The following DSCAM variants were observed in gnomAD, a reference collection of about 807,000 sequenced individuals.
DSCAM encodes the protein DS cell adhesion molecule, also known as cell adhesion molecule DSCAM.
A neutral mutation model predicts 217.7 loss-of-function variants in DSCAM; 47 were observed. The observed-to-expected ratio is 0.22, with a 90% CI of 0.17 to 0.28. The LOEUF is 0.28. Among genes scored for constraint, DSCAM ranks in the 10% least tolerant of loss-of-function variants. DSCAM has a pLI of 1.00. For synonymous variants in DSCAM, 1,056 were observed against 1,015.3 expected, an observed-to-expected ratio of 1.04 and a Z score of -0.76; for missense variants, 2,080 against 2,618.3, an observed-to-expected ratio of 0.79 and a Z score of 4.49.
chr21:40,069,555 G>A (rs1353419718), intron 27 of DSCAM, among the ~76,000 whole-genome samples: 1 of 152,198 alleles, frequency 6.6e-6, no homozygotes, highest in Non-Finnish European at 1.5e-5. Context: ...ATAGCCACAT[G>A]GCTACATTTT....
intron 3 of DSCAM, among the ~76,000 whole-genome samples, chr21:40,568,612 C>A (rs1206587847): frequency 1.3e-5 from 2 of 152,020 alleles, no homozygotes; most frequent in African/African-American, 4.8e-5. Flanking sequence ...ATTTAAAATG[C>A]TGGAAGTTAT....
At chr21:40,389,337 A>G (rs1432144935) in intron 3 of DSCAM, among the ~76,000 whole-genome samples, 2 of 152,196 alleles carry the variant, frequency 1.3e-5, no homozygotes, top group African/African-American at 4.8e-5. Flanking sequence ...TTATGAAGAG[A>G]AATAACAAAA....
intron 3 of DSCAM, among the ~76,000 whole-genome samples, chr21:40,609,279 T>A (rs1361460913): frequency 6.6e-6 from 1 of 151,752 alleles, no homozygotes; most frequent in African/African-American, 2.4e-5. Context: ...AAATCACGAT[T>A]TTGCCGTTGT....
chr21:40,162,129 T>C (rs562959853), intron 16 of DSCAM, among the ~76,000 whole-genome samples: 1 of 152,158 alleles, frequency 6.6e-6, no homozygotes, highest in Non-Finnish European at 1.5e-5. Flanking sequence ...AATTAACTGG[T>C]TGACTGCTCA....
At chr21:40,516,660 G>A (rs188925218) in intron 3 of DSCAM, among the ~76,000 whole-genome samples, 64 of 152,274 alleles carry the variant, frequency 4.2e-4, no homozygotes, top group African/African-American at 1.4e-3. Context: ...TCCCGGTTCT[G>A]TCAAAATGCA....
intron 32 of DSCAM, among the ~76,000 whole-genome samples, chr21:40,018,483 G>A (rs760781101): frequency 1.3e-4 from 20 of 152,144 alleles, no homozygotes; most frequent in East Asian, 7.7e-4. Context: ...TCTGAGACCC[G>A]ACTCAATCAC....
intron 3 of DSCAM, among the ~76,000 whole-genome samples, chr21:40,545,538 C>G (rs1322688021): frequency 1.3e-5 from 2 of 152,154 alleles, no homozygotes; most frequent in East Asian, 1.9e-4. Context: ...GGAAACCAGA[C>G]AGACCACAGA....
At chr21:40,787,753 C>G (rs2091606741) in intron 1 of DSCAM, among the ~76,000 whole-genome samples, 1 of 152,162 alleles carries the variant, frequency 6.6e-6, no homozygotes, top group Admixed American at 6.5e-5. Context: ...TCTGATACAA[C>G]ATTCTATCCA....
In DSCAM at chr21:40,847,117, G is replaced by A. The variant is rs1242284399; in HGVS notation, c.-456C>T. 4 of 152,314 alleles carry A rather than the reference G, an allele frequency of 2.6e-5. No individual in the cohort carries two copies. Among genetic ancestry groups the A allele is most frequent in the Non-Finnish European group, 4.4e-5 (3 of 68,122 alleles). The allele number at this position is 152,314 out of a possible 1,614,324, so 9.4% of individuals were successfully genotyped here. Reference sequence around the variant, plus strand: ...TGCCGTGCTCCGGCCTCAGTCACATGGATCCCTCTGCCAACCTTCCCTGCC... The same window carrying A: ...TGCCGTGCTCCGGCCTCAGTCACATAGATCCCTCTGCCAACCTTCCCTGCC... On this transcript the variant is annotated 5_prime_UTR_variant, in exon 1 of 33. Coordinates refer to ENST00000400454, the MANE Select transcript of DSCAM (RefSeq NM_001389.5).
chr21:40,262,312 G>C (rs1017968540), intron 11 of DSCAM, among the ~76,000 whole-genome samples: 1 of 152,122 alleles, frequency 6.6e-6, no homozygotes, highest in Admixed American at 6.5e-5. Flanking sequence ...TTTAGATGAG[G>C]TCAGCTTCCT....
chr21:40,079,249 G>T (rs1427884025), intron 25 of DSCAM, among the ~76,000 whole-genome samples: 1 of 152,170 alleles, frequency 6.6e-6, no homozygotes, highest in Non-Finnish European at 1.5e-5. Context: ...ACAATAGGAT[G>T]TTCACATATG....
At chr21:40,843,748 T>C (rs2092121662) in intron 1 of DSCAM, among the ~76,000 whole-genome samples, 1 of 151,654 alleles carries the variant, frequency 6.6e-6, no homozygotes, top group African/African-American at 2.4e-5. Flanking sequence ...AGGTCATTCA[T>C]TTAAGGGTTT....
intron 3 of DSCAM, among the ~76,000 whole-genome samples, chr21:40,588,429 C>T (rs577477074): frequency 9.2e-5 from 14 of 152,010 alleles, no homozygotes; most frequent in African/African-American, 2.9e-4. Context: ...TCTTAAATAC[C>T]GAGCAGGATG....
intron 18 of DSCAM, among the ~76,000 whole-genome samples, chr21:40,139,789 T>C (rs535015076): frequency 6.6e-6 from 1 of 150,938 alleles, no homozygotes; most frequent in East Asian, 1.9e-4. Flanking sequence ...GTGTGTGTGG[T>C]GTGATATGTG....
chr21:40,033,192 C>T (rs1205988784), intron 32 of DSCAM, among the ~76,000 whole-genome samples: 1 of 152,126 alleles, frequency 6.6e-6, no homozygotes, highest in East Asian at 1.9e-4. Context: ...CGAATAGGAA[C>T]AGCTCCCGTC....
At chr21:40,325,617 T>C (rs1305732343) in intron 8 of DSCAM, among the ~76,000 whole-genome samples, 5 of 152,194 alleles carry the variant, frequency 3.3e-5, no homozygotes, top group Non-Finnish European at 7.4e-5. Flanking sequence ...GCAGGAGTGA[T>C]AGCAAATGCA....
chr21:40,679,317 T>C (rs568809397), intron 3 of DSCAM, among the ~76,000 whole-genome samples: 24 of 152,360 alleles, frequency 1.6e-4, no homozygotes, highest in Admixed American at 3.3e-4. Context: ...ATGTTATCAT[T>C]CAGTCGACAA....
rs769497509 is a variant in DSCAM, at chr21:40,011,249, A to G, written c.*1785T>C. On this transcript the variant is annotated 3_prime_UTR_variant, in exon 33 of 33. Transcript: ENST00000400454. ...ATTCCTGGAGTCATCTAACACTAGC[A>G]TCAGCAGGTGGTCTTGACATGGTCC... 6.6e-6 allele frequency: 1 copy of G among 152,248 alleles called. No individual in the cohort carries two copies. Among genetic ancestry groups the G allele is most frequent in the Non-Finnish European group, 1.5e-5 (1 of 68,058 alleles). 9.4% of individuals were successfully genotyped at this position (152,248 alleles called of 1,614,324 possible).
rs535486032 is a variant in DSCAM at position 40,510,185 on chromosome 21, C to A, written c.509-140940G>T. Among the ~76,000 whole-genome samples, 9 of 151,962 alleles carry A rather than the reference C, an allele frequency of 5.9e-5. No individual in the cohort carries two copies. In the South Asian group the frequency reaches 1.9e-3, roughly 32 times the overall value. ...ACTCTAAAATAAATAACAAAGAAAG[C>A]ACTATAAAATCACTAATGAGTATAG... On this transcript the variant is annotated intron_variant, in intron 3 of 32. Coordinates refer to ENST00000400454, the MANE Select transcript of DSCAM (RefSeq NM_001389.5).
Sources: allele counts gnomAD v4.1 joint callset (sites outside exome capture counted in the v4.1 genomes callset), GRCh38; gene constraint gnomAD v4.1.1; transcripts MANE v1.5; gene names NCBI Gene and HGNC (gene_info 2026-07-23, HGNC 2026-07-21).